Variants in GPR137C observed in about 807,000 individuals in gnomAD.
GPR137C encodes the protein integral membrane protein GPR137C.
Under a neutral mutation model 43.4 loss-of-function variants are expected in GPR137C, and 27 were observed. The ratio of observed to expected loss-of-function variants is 0.62; its 90% confidence interval spans 0.46 to 0.86. The LOEUF (loss-of-function observed/expected upper bound fraction) is 0.86. Ranked by LOEUF, GPR137C falls within the 40% of genes least tolerant of loss-of-function variation. GPR137C has a pLI of 0.00. For missense variants in GPR137C, 522 were observed against 534.6 expected, an observed-to-expected ratio of 0.98 and a Z score of 0.23; for synonymous variants, 285 against 226.9, an observed-to-expected ratio of 1.26 and a Z score of -2.30.
intron 1 of GPR137C, among the ~76,000 whole-genome samples, chr14:52,557,715 C>T (rs2139430400): frequency 6.6e-6 from 1 of 152,248 alleles, no homozygotes; most frequent in East Asian, 1.9e-4. Context: ...CACTTTGTAA[C>T]ATTTGTCTTC....
intron 1 of GPR137C, among the ~76,000 whole-genome samples, chr14:52,581,149 T>C (rs1262551875): frequency 6.7e-6 from 1 of 148,270 alleles, no homozygotes; most frequent in East Asian, 2.0e-4. Context: ...TGAGCCGAGA[T>C]TGCGCCACTG....
At chr14:52,584,506 G>A (rs1312311437) in intron 1 of GPR137C, among the ~76,000 whole-genome samples, 1 of 152,114 alleles carries the variant, frequency 6.6e-6, no homozygotes, top group Non-Finnish European at 1.5e-5. Flanking sequence ...CATGTTTGTG[G>A]TCTTCAGAGA....
intron 1 of GPR137C, among the ~76,000 whole-genome samples, chr14:52,578,779 A>G (rs1244985068): frequency 2.6e-5 from 4 of 152,082 alleles, no homozygotes; most frequent in Non-Finnish European, 4.4e-5. Context: ...CCGTGTCTCT[A>G]CTAAAAATAG....
intron 1 of GPR137C, among the ~76,000 whole-genome samples, chr14:52,560,621 G>T (rs2038267676): frequency 6.6e-6 from 1 of 152,178 alleles, no homozygotes; most frequent in Non-Finnish European, 1.5e-5. Context: ...ATAGTCAACT[G>T]ATTTTTTTCC....
chr14:52,623,078 A>G (rs1183599284), intron 3 of GPR137C, among the ~76,000 whole-genome samples: 1 of 152,148 alleles, frequency 6.6e-6, no homozygotes, highest in East Asian at 1.9e-4. Flanking sequence ...TTATTTTGGT[A>G]CCACTTGTGT....
intron 1 of GPR137C, among the ~76,000 whole-genome samples, chr14:52,562,069 CATCATCTAATTTATGTTAGAAAGCTA>C (rs1196832717): frequency 1.3e-5 from 2 of 152,168 alleles, no homozygotes; most frequent in South Asian, 2.1e-4. Context: ...CCTGCAGCTC[CATCATCTAATTTATGTTAGAAAGCTA>C]ATCATCTAAT....
At chr14:52,623,543 C>G (rs939705389) in intron 3 of GPR137C, among the ~76,000 whole-genome samples, 3 of 152,034 alleles carry the variant, frequency 2.0e-5, no homozygotes, top group African/African-American at 7.2e-5. Context: ...GCTTTAAACT[C>G]TGAATGATTG....
intron 1 of GPR137C, among the ~76,000 whole-genome samples, chr14:52,593,989 A>C (rs1417256442): frequency 6.6e-6 from 1 of 152,172 alleles, no homozygotes; most frequent in Non-Finnish European, 1.5e-5. Context: ...TTCCCTCTAC[A>C]CACTGCTTTA....
chr14:52,586,323 T>C (rs1274968237), intron 1 of GPR137C, among the ~76,000 whole-genome samples: 2 of 152,330 alleles, frequency 1.3e-5, no homozygotes, highest in East Asian at 3.9e-4. Context: ...TTCTGTTAGC[T>C]TCAGATATCT....
At chr14:52,604,530 C>T (rs2038962309) in intron 3 of GPR137C, among the ~76,000 whole-genome samples, 1 of 151,882 alleles carries the variant, frequency 6.6e-6, no homozygotes, top group African/African-American at 2.4e-5. Context: ...ACTACAACCT[C>T]CACCTCCCAG....
At chr14:52,569,477 G>A (rs1266088987) in intron 1 of GPR137C, among the ~76,000 whole-genome samples, 1 of 151,788 alleles carries the variant, frequency 6.6e-6, no homozygotes, top group Non-Finnish European at 1.5e-5. Context: ...TCAGAAGGTG[G>A]ATAATAACGA....
chr14:52,559,460 T>A (rs2038246132), intron 1 of GPR137C, among the ~76,000 whole-genome samples: 2 of 152,200 alleles, frequency 1.3e-5, no homozygotes, highest in South Asian at 4.1e-4. Flanking sequence ...CATATGATCA[T>A]CTCAATAGAT....
At chr14:52,610,290 A>G (rs1352970211) in intron 3 of GPR137C, among the ~76,000 whole-genome samples, 1 of 152,172 alleles carries the variant, frequency 6.6e-6, no homozygotes, top group Non-Finnish European at 1.5e-5. Flanking sequence ...TATTTGTGTT[A>G]TTCATTTTTC....
At chr14:52,602,361 C>T (rs1178764683) in intron 3 of GPR137C, among the ~76,000 whole-genome samples, 1 of 151,778 alleles carries the variant, frequency 6.6e-6, no homozygotes, top group Non-Finnish European at 1.5e-5. Context: ...CTTTGTTACG[C>T]TTTCACTATC....
rs991579836 is a variant in GPR137C, at chr14:52,632,364, A to C, written c.867+55A>C. Reference sequence around the variant, plus strand: ...ACAATGTGATAATTAACTTACCCTCATCTAGAAGAACACTGTAGTGTTTGA... The same window carrying C: ...ACAATGTGATAATTAACTTACCCTCCTCTAGAAGAACACTGTAGTGTTTGA... On this transcript the variant is annotated intron_variant, in intron 4 of 6. Coordinates refer to ENST00000321662, the MANE Select transcript of GPR137C (RefSeq NM_001099652.2). 31 of 1,277,364 alleles carry C rather than the reference A, an allele frequency of 2.4e-5. No homozygotes were observed. In the African/African-American group the frequency reaches 4.3e-4, roughly 18 times the overall value. 79.1% of individuals were successfully genotyped at this position (1,277,364 alleles called of 1,614,324 possible).
intron 3 of GPR137C, among the ~76,000 whole-genome samples, chr14:52,625,273 G>A (rs1477178224): frequency 1.3e-5 from 2 of 151,956 alleles, no homozygotes; most frequent in Non-Finnish European, 2.9e-5. Context: ...CACAAGGTCA[G>A]GAGTTCAAGA....
chr14:52,575,009 G>C (rs905681509), intron 1 of GPR137C, among the ~76,000 whole-genome samples: 1 of 152,038 alleles, frequency 6.6e-6, no homozygotes, highest in African/African-American at 2.4e-5. Context: ...AGTTTTCTAG[G>C]GAGTCTAAAT....
chr14:52,582,303 C>G (rs910319474), intron 1 of GPR137C, among the ~76,000 whole-genome samples: 1 of 152,176 alleles, frequency 6.6e-6, no homozygotes, highest in Non-Finnish European at 1.5e-5. Flanking sequence ...CCTCCTAATA[C>G]TAATCACATT....
At chr14:52,580,398 T>C (rs1482872837) in intron 1 of GPR137C, among the ~76,000 whole-genome samples, 1 of 152,148 alleles carries the variant, frequency 6.6e-6, no homozygotes, top group Non-Finnish European at 1.5e-5. Flanking sequence ...AGTCTCACCC[T>C]GTAGCCCAAG....
Sources: allele counts gnomAD v4.1 joint callset (sites outside exome capture counted in the v4.1 genomes callset), GRCh38; gene constraint gnomAD v4.1.1; transcripts MANE v1.5; gene names NCBI Gene and HGNC (gene_info 2026-07-23, HGNC 2026-07-21).